AGTPBP1: variants seen among roughly 807,000 people sequenced by gnomAD.
AGTPBP1 encodes the protein cytosolic carboxypeptidase 1.
In AGTPBP1, 70 loss-of-function variants were observed where a neutral mutation model predicts 143.9. The observed-to-expected ratio is 0.49, with a 90% CI of 0.40 to 0.59. The LOEUF is 0.59. Among genes scored for constraint, AGTPBP1 ranks in the 20% least tolerant of loss-of-function variants. The pLI, the probability that AGTPBP1 is intolerant of heterozygous loss-of-function variation, is 0.00. For missense variants in AGTPBP1, 1,229 were observed against 1,464.5 expected, an observed-to-expected ratio of 0.84 and a Z score of 2.62; for synonymous variants, 463 against 500.2, an observed-to-expected ratio of 0.93 and a Z score of 0.99.
intron 3 of AGTPBP1, among the ~76,000 whole-genome samples, chr9:85,690,992 A>G (rs1220216841): frequency 6.6e-6 from 1 of 152,164 alleles, no homozygotes; most frequent in South Asian, 2.1e-4. Context: ...AAAAGTGTTT[A>G]TCTATAGGTC....
At chr9:85,656,118 C>T (rs1041616661) in intron 10 of AGTPBP1, among the ~76,000 whole-genome samples, 5 of 152,180 alleles carry the variant, frequency 3.3e-5, no homozygotes, top group African/African-American at 4.8e-5. Flanking sequence ...TGAGCCACTG[C>T]GCCTGGCCCA....
upstream of AGTPBP1, chr9:85,742,139 G>C (rs897013638): frequency 5.4e-5 from 43 of 801,574 alleles, no homozygotes; most frequent in Non-Finnish European, 6.8e-5. Flanking sequence ...GCCTCTCTGC[G>C]CGCCTGACGG....
chr9:85,729,685 CA>C (rs879314041), intron 1 of AGTPBP1, among the ~76,000 whole-genome samples: 133 of 138,868 alleles, frequency 9.6e-4, no homozygotes, highest in Non-Finnish European at 8.0e-4. Context: ...AACTCAATAG[CA>C]AAAAAAAAAA....
chr9:85,740,605 C>A (rs1398165085), intron 1 of AGTPBP1, among the ~76,000 whole-genome samples: 1 of 152,210 alleles, frequency 6.6e-6, no homozygotes, highest in Non-Finnish European at 1.5e-5. Flanking sequence ...ACAAAAATAA[C>A]TTTCCGGTTT....
the AGTPBP1 span, among the ~76,000 whole-genome samples, chr9:85,786,841 A>C: frequency 2.0e-5 from 3 of 152,206 alleles, no homozygotes; most frequent in Non-Finnish European, 4.4e-5. Context: ...AATACGCTTA[A>C]ATGTTTTTCC....
chr9:85,795,856 G>GTTTTTTTTT, the AGTPBP1 span, among the ~76,000 whole-genome samples: 11 of 70,670 alleles, frequency 1.6e-4, no homozygotes, highest in African/African-American at 2.8e-4. Flanking sequence ...CTTCTTCTTA[G>GTTTTTTTTT]TTTTTTTTTT....
chr9:85,660,667 T>C (rs940735988), intron 9 of AGTPBP1, among the ~76,000 whole-genome samples: 7 of 152,258 alleles, frequency 4.6e-5, no homozygotes, highest in African/African-American at 1.7e-4. Flanking sequence ...AATGGATTTT[T>C]ATGTTATCTA....
Position 85,699,924 on chromosome 9 carries a change from G to T in AGTPBP1, c.33-7111C>A, listed in dbSNP as rs186784720. ...TCCATTACATAACATTTTTATAAAT[G>T]GTATCTGTATTTTACCAAAAAAGTA... On this transcript the variant is annotated intron_variant, in intron 2 of 25. Coordinates refer to ENST00000357081, the MANE Select transcript of AGTPBP1 (RefSeq NM_001330701.2). Among the ~76,000 whole-genome samples the T allele has an allele frequency of 7.9e-5, 12 of 152,216 alleles. No individual in the cohort carries two copies. In the East Asian group the frequency reaches 2.3e-3, roughly 29 times the overall value.
chr9:85,773,193 A>G, the AGTPBP1 span, among the ~76,000 whole-genome samples: 1 of 126,994 alleles, frequency 7.9e-6, no homozygotes, highest in Non-Finnish European at 1.6e-5. Flanking sequence ...TGAACCTGGG[A>G]GGCGGAGCTT....
At chr9:85,769,383 G>C in the AGTPBP1 span, among the ~76,000 whole-genome samples, 1 of 151,824 alleles carries the variant, frequency 6.6e-6, no homozygotes, top group South Asian at 2.1e-4. Context: ...CATGTATTTG[G>C]ATAGTTCAAA....
At chr9:85,734,231 G>A (rs561081398) in intron 1 of AGTPBP1, among the ~76,000 whole-genome samples, 17 of 151,984 alleles carry the variant, frequency 1.1e-4, no homozygotes, top group Non-Finnish European at 1.8e-4. Context: ...CCAGCCTGGC[G>A]ACAAAGAGAG....
chr9:85,603,839 A>G (rs1388383765), intron 17 of AGTPBP1, among the ~76,000 whole-genome samples: 1 of 152,200 alleles, frequency 6.6e-6, no homozygotes, highest in Non-Finnish European at 1.5e-5. Context: ...CATCGGCAGG[A>G]GCCAGGCAGT....
chr9:85,761,619 T>G, the AGTPBP1 span, among the ~76,000 whole-genome samples: 2 of 152,172 alleles, frequency 1.3e-5, no homozygotes, highest in Admixed American at 1.3e-4. Context: ...ATACAAAAAT[T>G]AATTCCAGCT....
Position 85,692,675 on chromosome 9 carries a change from A to C in AGTPBP1, c.157+14T>G, listed in dbSNP as rs755892591. 4 of 1,608,474 alleles carry C rather than the reference A, an allele frequency of 2.5e-6. No homozygotes were observed. Among genetic ancestry groups the C allele is most frequent in the Non-Finnish European group, 3.4e-6 (4 of 1,178,582 alleles). On this transcript the variant is annotated intron_variant, in intron 3 of 25. Coordinates refer to ENST00000357081, the MANE Select transcript of AGTPBP1 (RefSeq NM_001330701.2). Reference sequence around the variant, plus strand: ...AAAAAGCATTTCAAAAACAAAGAAGAGATCAATGTTTACCTTGACTCTGAG... The same window carrying C: ...AAAAAGCATTTCAAAAACAAAGAAGCGATCAATGTTTACCTTGACTCTGAG...
chr9:85,775,394 T>C, the AGTPBP1 span, among the ~76,000 whole-genome samples: 2 of 151,672 alleles, frequency 1.3e-5, no homozygotes, highest in South Asian at 4.1e-4. Flanking sequence ...CTCATGCCTG[T>C]AATCCCAGCA....
At chr9:85,593,631 A>T (rs1390034790) in intron 18 of AGTPBP1, among the ~76,000 whole-genome samples, 1 of 152,212 alleles carries the variant, frequency 6.6e-6, no homozygotes, top group African/African-American at 2.4e-5. Flanking sequence ...GTATGTACAG[A>T]TAAAATACGG....
chr9:85,632,377 C>T (rs1173734718), intron 14 of AGTPBP1, among the ~76,000 whole-genome samples: 1 of 152,126 alleles, frequency 6.6e-6, no homozygotes, highest in Non-Finnish European at 1.5e-5. Flanking sequence ...ATTAAATAAT[C>T]TGTTTTTGTA....
At chr9:85,674,101 C>A (rs1258177300) in intron 6 of AGTPBP1, among the ~76,000 whole-genome samples, 9 of 135,146 alleles carry the variant, frequency 6.7e-5, no homozygotes, top group East Asian at 2.4e-4. Context: ...CCAGCCTGGG[C>A]AACTGAGCAA....
chr9:85,756,355 G>A, the AGTPBP1 span: 19 of 1,268,932 alleles, frequency 1.5e-5, no homozygotes, highest in African/African-American at 4.7e-5. Context: ...GTGGGAGGAG[G>A]TGGAGAAATT....
Sources: gnomAD v4.1 joint callset for allele counts (sites outside exome capture counted in the v4.1 genomes callset) on GRCh38, gnomAD v4.1.1 for gene constraint, MANE v1.5 for transcripts, NCBI Gene and HGNC (gene_info 2026-07-23, HGNC 2026-07-21) for gene names.